The following SOS1 variants were observed in gnomAD, a reference collection of about 807,000 sequenced individuals.
The protein encoded by SOS1 is son of sevenless homolog 1.
SOS1 carries 25 observed loss-of-function variants against 157.6 expected under a neutral mutation model. That is an observed-to-expected ratio of 0.16 (90% CI 0.12 to 0.22). The LOEUF (loss-of-function observed/expected upper bound fraction) is 0.22, where lower values mean the gene tolerates loss of function less well. SOS1 is among the 10% of genes least tolerant of loss of function. The probability of loss-of-function intolerance (pLI) is 1.00; values close to 1 mark genes in which losing one functional copy is unlikely to be tolerated. For synonymous variants in SOS1, 528 were observed against 534.0 expected, an observed-to-expected ratio of 0.99 and a Z score of 0.16; for missense variants, 1,237 against 1,599.1, an observed-to-expected ratio of 0.77 and a Z score of 3.86.
chr2:39,119,835 G>A (rs1467707843), intron 1 of SOS1, among the ~76,000 whole-genome samples: 1 of 152,212 alleles, frequency 6.6e-6, no homozygotes, highest in Non-Finnish European at 1.5e-5. Context: ...CCAGGAGAAT[G>A]AGGAGTGAAT....
upstream of SOS1, among the ~76,000 whole-genome samples, chr2:39,123,901 C>G (rs1458868198): frequency 6.6e-6 from 1 of 152,178 alleles, no homozygotes; most frequent in Admixed American, 6.5e-5. Flanking sequence ...CCTCTAAGAT[C>G]CCCTTCAACT....
intron 8 of SOS1, among the ~76,000 whole-genome samples, chr2:39,030,900 A>T (rs1277145116): frequency 6.6e-6 from 1 of 152,114 alleles, no homozygotes; most frequent in Non-Finnish European, 1.5e-5. Flanking sequence ...CATAGAGAAG[A>T]ACGTGAAGCT....
intron 1 of SOS1, among the ~76,000 whole-genome samples, chr2:39,075,588 G>GAGTCTAGGAATCCGAGA (rs1671941816): frequency 6.6e-6 from 1 of 150,816 alleles, no homozygotes; most frequent in Non-Finnish European, 1.5e-5. Flanking sequence ...AGGATTACCT[G>GAGTCTAGGAATCCGAGA]AGTCTAGGAG....
At position 39,015,571 on chromosome 2, in the gene SOS1, A is replaced by G. The variant is rs566736550; in HGVS notation, c.1859-725T>C. 7.1e-4 allele frequency among the ~76,000 whole-genome samples: 108 copies of G among 152,000 alleles called. 1 individual carries two copies. In the Middle Eastern group the frequency reaches 0.014, roughly 19 times the overall value. ...GGACCTACTTTTCATTCACATCTCC[A>G]TGAAGTAAAACAAGAGGCTGAGTGT... On this transcript the variant is annotated intron_variant, in intron 10 of 22. Coordinates refer to ENST00000402219, the MANE Select transcript of SOS1 (RefSeq NM_005633.4).
At chr2:39,041,692 G>A (rs1670577612) in intron 6 of SOS1, among the ~76,000 whole-genome samples, 1 of 152,120 alleles carries the variant, frequency 6.6e-6, no homozygotes, top group African/African-American at 2.4e-5. Context: ...TTTCGGATAT[G>A]GTACATGGTT....
At chr2:39,116,805 CG>C (rs1558521678) in intron 1 of SOS1, among the ~76,000 whole-genome samples, 1 of 152,106 alleles carries the variant, frequency 6.6e-6, no homozygotes, top group African/African-American at 2.4e-5. Flanking sequence ...GAGCCAAGAT[CG>C]CACCACTGCA....
chr2:39,109,297 C>T (rs1572898839), intron 1 of SOS1, among the ~76,000 whole-genome samples: 4 of 152,196 alleles, frequency 2.6e-5, no homozygotes, highest in African/African-American at 4.8e-5. Flanking sequence ...CTTCTCATTG[C>T]CACCTAAAGA....
intron 1 of SOS1, among the ~76,000 whole-genome samples, chr2:39,117,343 T>A (rs991034973): frequency 3.9e-5 from 6 of 152,168 alleles, no homozygotes; most frequent in African/African-American, 1.4e-4. Flanking sequence ...TTTACCTTTT[T>A]AGCCTGAGTG....
intron 8 of SOS1, among the ~76,000 whole-genome samples, chr2:39,025,496 T>C (rs1289902739): frequency 6.6e-6 from 1 of 151,786 alleles, no homozygotes; most frequent in Non-Finnish European, 1.5e-5. Flanking sequence ...ATTACGGGTG[T>C]CTGTCACCAC....
chr2:38,996,423 T>C lies in SOS1; in HGVS notation c.3081+499A>G, dbSNP rs148772436. On this transcript the variant is annotated intron_variant, in intron 19 of 22. Coordinates refer to ENST00000402219, the MANE Select transcript of SOS1 (RefSeq NM_005633.4). ...ACTTTTTTATGAACAAGAGAGTACA[T>C]AGTCAAATCAGTGAGTTGGTGATTC... Among the ~76,000 whole-genome samples the C allele has an allele frequency of 7.2e-5, 11 of 152,246 alleles. No individual in the cohort carries two copies. In the East Asian group the frequency reaches 1.7e-3, roughly 24 times the overall value.
intron 17 of SOS1, among the ~76,000 whole-genome samples, chr2:39,000,685 G>A (rs1159986969): frequency 2.0e-5 from 3 of 152,208 alleles, no homozygotes; most frequent in Non-Finnish European, 2.9e-5. Flanking sequence ...ACAATACAGT[G>A]TTATGCTTAC....
intron 1 of SOS1, among the ~76,000 whole-genome samples, chr2:39,086,539 A>C (rs1437681607): frequency 6.6e-6 from 1 of 152,240 alleles, no homozygotes; most frequent in Non-Finnish European, 1.5e-5. Flanking sequence ...TAATGATTTT[A>C]TCATATAATG....
intron 10 of SOS1, among the ~76,000 whole-genome samples, chr2:39,015,408 C>G (rs989647262): frequency 6.6e-6 from 1 of 151,988 alleles, no homozygotes; most frequent in African/African-American, 2.4e-5. Context: ...CTTACAAATA[C>G]TTATAAGCTA....
intron 6 of SOS1, among the ~76,000 whole-genome samples, chr2:39,044,862 G>GCACACACA (rs1271039137): frequency 1.8e-4 from 6 of 33,084 alleles, no homozygotes; most frequent in Admixed American, 7.4e-4. Context: ...GCGCGCGCGC[G>GCACACACA]CGCACACACA....
intron 18 of SOS1, 39 bp from the exon 19 acceptor site, chr2:38,997,077 A>G: frequency 6.0e-6 from 7 of 1,157,136 alleles, no homozygotes; most frequent in Non-Finnish European, 8.9e-6. Context: ...AATATTCAAA[A>G]TTATAAATTC....
At chr2:39,107,987 C>T (rs1673266285) in intron 1 of SOS1, among the ~76,000 whole-genome samples, 1 of 152,296 alleles carries the variant, frequency 6.6e-6, no homozygotes, top group South Asian at 2.1e-4. Context: ...TATCACAATT[C>T]TCTCACAGCC....
In SOS1 at chr2:39,006,401, GAAAT is replaced by G. The variant is rs760707217; in HGVS notation, c.2791+7_2791+10del. The G allele has an allele frequency of 5.7e-6, 7 of 1,228,906 alleles. No homozygotes were observed. In the East Asian group the frequency reaches 1.2e-4, roughly 20 times the overall value. 76.1% of individuals were successfully genotyped at this position (1,228,906 alleles called of 1,614,324 possible). ...CAGAAATGCAATAAAAATTCAGAAA[GAAAT>G]ACTTACCAAAGAAAGGCACACATGG... is the stretch of plus-strand genomic sequence containing the variant. On this transcript the variant is annotated splice_region_variant and intron_variant, in intron 17 of 22. Coordinates refer to ENST00000402219, the MANE Select transcript of SOS1 (RefSeq NM_005633.4).
At chr2:39,048,245 G>C (rs1399853342) in intron 6 of SOS1, among the ~76,000 whole-genome samples, 1 of 152,096 alleles carries the variant, frequency 6.6e-6, no homozygotes, top group Non-Finnish European at 1.5e-5. Flanking sequence ...CCTCATTCTT[G>C]AATAATACTG....
chr2:39,031,994 C>G (rs1426161387), intron 8 of SOS1, among the ~76,000 whole-genome samples: 2 of 152,062 alleles, frequency 1.3e-5, no homozygotes, highest in African/African-American at 4.8e-5. Flanking sequence ...ATTAAAGTCA[C>G]ACTATTTTTA....
Sources: allele counts gnomAD v4.1 joint callset (sites outside exome capture counted in the v4.1 genomes callset), GRCh38; gene constraint gnomAD v4.1.1; transcripts MANE v1.5; gene names NCBI Gene and HGNC (gene_info 2026-07-23, HGNC 2026-07-21).